Variants in FAM186A observed in about 807,000 individuals in gnomAD.
The protein encoded by FAM186A is protein FAM186A.
A neutral mutation model predicts 216.8 loss-of-function variants in FAM186A; 163 were observed. The observed-to-expected ratio is 0.75, with a 90% confidence interval of 0.66 to 0.86. The LOEUF (loss-of-function observed/expected upper bound fraction) is 0.86. FAM186A is among the 40% of genes least tolerant of loss of function. FAM186A has a pLI of 0.00. For missense variants in FAM186A, 2,184 were observed against 2,746.2 expected, an observed-to-expected ratio of 0.80 and a Z score of 4.58; for synonymous variants, 805 against 1,025.3, an observed-to-expected ratio of 0.79 and a Z score of 4.10.
rs529693488 is a variant in FAM186A at position 50,372,438 on chromosome 12, C to CA, written c.193-9075dup. ...GAAACCCCCGTCTCTACTAAAAATA[C>CA]AAAAAATTAGCCGGGCATGGTGGTG... On this transcript the variant is annotated intron_variant, in intron 1 of 7. Transcript: ENST00000327337. 2.4e-3 allele frequency among the ~76,000 whole-genome samples: 363 copies of CA among 150,894 alleles called. 1 individual carries two copies. The highest frequency in any genetic ancestry group is 8.4e-3 in the African/African-American group (345 of 41,052).
intron 1 of FAM186A, among the ~76,000 whole-genome samples, chr12:50,372,998 T>G (rs4565983): frequency 0.3 from 14,447 of 48,246 alleles, 2,799 homozygotes; most frequent in Non-Finnish European, 0.37. Context: ...AAGGAAGGAA[T>G]GAAAGAAAGA....
chr12:50,337,789 G>C (rs865856774), intron 4 of FAM186A, among the ~76,000 whole-genome samples: 1 of 151,988 alleles, frequency 6.6e-6, no homozygotes, highest in African/African-American at 2.4e-5. Flanking sequence ...CCAGCTACTC[G>C]GGAGGCTGAG....
chr12:50,333,425 G>T (rs181563311), intron 5 of FAM186A, among the ~76,000 whole-genome samples: 12 of 152,044 alleles, frequency 7.9e-5, no homozygotes, highest in Non-Finnish European at 8.8e-5. Flanking sequence ...CCATCTACTC[G>T]GGAGGCTGAA....
At position 50,354,429 on chromosome 12, in the gene FAM186A, A is replaced by C; in HGVS notation, c.2403T>G (p.Ser801Arg). 1 of 1,551,366 alleles carries C rather than the reference A, an allele frequency of 6.4e-7. No individual in the cohort carries two copies. The highest frequency in any genetic ancestry group is 2.4e-5 in the East Asian group (1 of 40,912). ...TTGAGACTGTTGGAATATCTCTTTC[A>C]CTTTCTATTTCAGCCAAGATCATTT... ...LIQMILAEIE[S>R]ERDIPTVSTV... The change falls in exon 4 of 8, where the codon AGT becomes AGG. Residue 801 changes from serine (S) to arginine (R), a missense_variant. By Grantham distance (110) the Ser-to-Arg change is moderately radical. Coordinates refer to ENST00000327337, the MANE Select transcript of FAM186A (RefSeq NM_001145475.3).
intron 1 of FAM186A, among the ~76,000 whole-genome samples, chr12:50,386,954 C>CT (rs1943310396): frequency 6.6e-6 from 1 of 150,692 alleles, no homozygotes; most frequent in African/African-American, 2.4e-5. Context: ...TTTTTCTATT[C>CT]TATTTTTTTC....
chr12:50,338,117 G>A (rs1387476723), intron 4 of FAM186A, among the ~76,000 whole-genome samples: 1 of 152,116 alleles, frequency 6.6e-6, no homozygotes, highest in East Asian at 1.9e-4. Flanking sequence ...CATTTACTGA[G>A]CATCTACTAT....
intron 1 of FAM186A, among the ~76,000 whole-genome samples, chr12:50,394,155 G>T (rs1943390093): frequency 6.6e-6 from 1 of 152,154 alleles, no homozygotes; most frequent in Non-Finnish European, 1.5e-5. Context: ...CTGAGCTCAA[G>T]TGATCCACCT....
chr12:50,360,988 G>T, intron 2 of FAM186A, 62 bp from the exon 3 acceptor site: 1 of 1,290,404 alleles, frequency 7.7e-7, no homozygotes, highest in Non-Finnish European at 1.0e-6. Flanking sequence ...TAGCTACATA[G>T]GCTTATAATA....
chr12:50,383,278 A>AAAAAAAAAAAATAG lies in FAM186A; in HGVS notation c.192+13014_192+13015insCTATTTTTTTTTTT, dbSNP rs1555218962. 3.3e-4 allele frequency among the ~76,000 whole-genome samples: 16 copies of AAAAAAAAAAAATAG among 49,170 alleles called. 2 individuals are homozygous for AAAAAAAAAAAATAG. Among genetic ancestry groups the AAAAAAAAAAAATAG allele is most frequent in the Non-Finnish European group, 6.6e-4 (15 of 22,804 alleles). The allele number at this position is 49,170 out of a possible 152,430, so 32.3% of individuals were successfully genotyped here. On this transcript the variant is annotated intron_variant, in intron 1 of 7. Transcript: ENST00000327337. ...AAAAAAAAAAAAAAAAAAAAAAAAA[A>AAAAAAAAAAAATAG]AGAGAGAGAGAGAGAGAAAGAAAAG...
At position 50,350,847 on chromosome 12, in the gene FAM186A, G is replaced by A; in HGVS notation, c.5985C>T (p.Asp1995=). The A allele has an allele frequency of 6.4e-7, 1 of 1,551,702 alleles. No individual in the cohort carries two copies. The highest frequency in any genetic ancestry group is 8.7e-7 in the Non-Finnish European group (1 of 1,147,004). The change falls in exon 4 of 8, where the codon GAC becomes GAT. Residue 1995 remains aspartate, a synonymous_variant. Coordinates refer to ENST00000327337, the MANE Select transcript of FAM186A (RefSeq NM_001145475.3). Reference sequence around the variant, plus strand: ...GAAGTATCTGGGTTTCTTCGGAAGTGTCAGAGACCTCCGACATTTGGAACT... The same window carrying A: ...GAAGTATCTGGGTTTCTTCGGAAGTATCAGAGACCTCCGACATTTGGAACT... ...TKKFQMSEVS[D]TSEETQILRD...
intron 4 of FAM186A, among the ~76,000 whole-genome samples, chr12:50,345,997 C>A (rs867931526): frequency 2.2e-3 from 262 of 120,710 alleles, no homozygotes; most frequent in Admixed American, 3.8e-3. Flanking sequence ...GACTTTGCCT[C>A]AAAAAAAAAA....
chr12:50,347,266 G>A (rs765799631), intron 4 of FAM186A, among the ~76,000 whole-genome samples: 1 of 152,100 alleles, frequency 6.6e-6, no homozygotes, highest in Non-Finnish European at 1.5e-5. Flanking sequence ...AAACTCTGTA[G>A]GTCATCAAAC....
chr12:50,371,819 A>AT lies in FAM186A; in HGVS notation c.193-8456dup, dbSNP rs557646657. 7.9e-4 allele frequency among the ~76,000 whole-genome samples: 118 copies of AT among 148,864 alleles called. 1 individual carries two copies. The highest frequency in any genetic ancestry group is 1.4e-3 in the Non-Finnish European group (91 of 66,916). On this transcript the variant is annotated intron_variant, in intron 1 of 7. Transcript: ENST00000327337. ...TTTTATGTATATTTTACCACAATTA[A>AT]TTTTTTTTTTTAGACGGAGTTTCGC... is the stretch of plus-strand genomic sequence containing the variant.
intron 1 of FAM186A, among the ~76,000 whole-genome samples, chr12:50,371,488 A>G (rs1461832687): frequency 1.3e-5 from 2 of 152,204 alleles, no homozygotes; most frequent in Admixed American, 1.3e-4. Flanking sequence ...ATTTTGACAT[A>G]CACTACAATA....
chr12:50,359,803 T>C (rs983860905), intron 3 of FAM186A, among the ~76,000 whole-genome samples: 2 of 152,210 alleles, frequency 1.3e-5, no homozygotes, highest in African/African-American at 4.8e-5. Context: ...CAATACAATA[T>C]GATTCTGTTT....
At chr12:50,365,364 T>G (rs546511052) in intron 1 of FAM186A, among the ~76,000 whole-genome samples, 68 of 152,346 alleles carry the variant, frequency 4.5e-4, no homozygotes, top group African/African-American at 1.6e-3. Context: ...ATGCATGTTA[T>G]TATAAATTGC....
At chr12:50,394,186 T>G (rs1256631145) in intron 1 of FAM186A, among the ~76,000 whole-genome samples, 1 of 152,198 alleles carries the variant, frequency 6.6e-6, no homozygotes, top group Non-Finnish European at 1.5e-5. Context: ...CCCAAGATGC[T>G]AGGATTACAG....
At chr12:50,381,849 A>G (rs1943256135) in intron 1 of FAM186A, among the ~76,000 whole-genome samples, 1 of 152,102 alleles carries the variant, frequency 6.6e-6, no homozygotes, top group Admixed American at 6.6e-5. Flanking sequence ...AGTCCCAGCT[A>G]CTGAAGGGGC....
At position 50,353,960 on chromosome 12, in the gene FAM186A, G is replaced by C. The variant is rs1942942507; in HGVS notation, c.2872C>G (p.Pro958Ala). The C allele has an allele frequency of 6.4e-7, 1 of 1,553,232 alleles. No homozygotes were observed. The highest frequency in any genetic ancestry group is 1.2e-5 in the South Asian group (1 of 84,102). Reference protein sequence around the residue: ...QIQKEAKHLGPHRRREKGKEK... With the variant: ...QIQKEAKHLGAHRRREKGKEK... Reference sequence around the variant, plus strand: ...TTCCCTTTCTCCCTTCTCCTGTGTGGCCCCAAATGTTTCGCTTCCTTCTGA... The same window carrying C: ...TTCCCTTTCTCCCTTCTCCTGTGTGCCCCCAAATGTTTCGCTTCCTTCTGA... Residue 958 changes from proline (P) to alanine (A), a missense_variant, in exon 4 of 8, where the codon CCA becomes GCA. By Grantham distance (27) the Pro-to-Ala change is conservative. Coordinates refer to ENST00000327337, the MANE Select transcript of FAM186A (RefSeq NM_001145475.3).
Sources: allele counts gnomAD v4.1 joint callset (sites outside exome capture counted in the v4.1 genomes callset), GRCh38; gene constraint gnomAD v4.1.1; transcripts MANE v1.5; gene names NCBI Gene and HGNC (gene_info 2026-07-23, HGNC 2026-07-21).